The following LCLAT1 variants were observed in gnomAD, a reference collection of about 807,000 sequenced individuals.
LCLAT1 encodes 1-AGP acyltransferase 8.
In LCLAT1, 11 loss-of-function variants were observed where a neutral mutation model predicts 30.7. The observed-to-expected ratio is 0.36, with a 90% CI of 0.23 to 0.59. The LOEUF (loss-of-function observed/expected upper bound fraction) is 0.59. LCLAT1 is among the 20% of genes least tolerant of loss of function. The probability of loss-of-function intolerance (pLI) is 0.77; values close to 1 mark genes in which losing one functional copy is unlikely to be tolerated. For synonymous variants in LCLAT1, 155 were observed against 151.3 expected (o/e 1.02, Z -0.18); for missense variants, 402 against 458.6 (o/e 0.88, Z 1.13).
At chr2:30,569,286 A>G (rs972034693) in intron 5 of LCLAT1, among the ~76,000 whole-genome samples, 5 of 152,240 alleles carry the variant, frequency 3.3e-5, no homozygotes, top group Admixed American at 6.5e-5. Flanking sequence ...AATAAAAACC[A>G]ATTGTACTTT....
chr2:30,498,150 A>C (rs1045153518), intron 1 of LCLAT1, among the ~76,000 whole-genome samples: 4 of 152,340 alleles, frequency 2.6e-5, no homozygotes, highest in Admixed American at 2.6e-4. Context: ...AAACTCTGCA[A>C]CTGAGAGGGG....
At chr2:30,524,086 G>A (rs1400650024) in intron 1 of LCLAT1, among the ~76,000 whole-genome samples, 5 of 151,312 alleles carry the variant, frequency 3.3e-5, no homozygotes, top group African/African-American at 7.3e-5. Context: ...TTTTTTCATC[G>A]TTTTAATGTT....
intron 2 of LCLAT1, among the ~76,000 whole-genome samples, chr2:30,530,314 A>G (rs1396690872): frequency 2.6e-5 from 4 of 152,214 alleles, no homozygotes; most frequent in Non-Finnish European, 4.4e-5. Context: ...GGAGTTCTGT[A>G]TAGATATTAC....
At chr2:30,539,898 GC>G (rs1664046012) in intron 3 of LCLAT1, among the ~76,000 whole-genome samples, 1 of 152,124 alleles carries the variant, frequency 6.6e-6, no homozygotes, top group African/African-American at 2.4e-5. Context: ...TAAATAATTT[GC>G]CTTGTTCCAC....
At chr2:30,562,906 G>A (rs1403918807) in intron 4 of LCLAT1, among the ~76,000 whole-genome samples, 1 of 152,044 alleles carries the variant, frequency 6.6e-6, no homozygotes, top group Non-Finnish European at 1.5e-5. Flanking sequence ...TACGTTAATA[G>A]GTTACCTTTC....
chr2:30,574,216 A>C (rs1485939321), intron 5 of LCLAT1, among the ~76,000 whole-genome samples: 1 of 152,064 alleles, frequency 6.6e-6, no homozygotes. Context: ...AATAGGGGTA[A>C]ATTTTTTAAA....
chr2:30,637,206 A>T (rs893134037), intron 5 of LCLAT1, among the ~76,000 whole-genome samples: 3 of 152,192 alleles, frequency 2.0e-5, no homozygotes, highest in Non-Finnish European at 4.4e-5. Context: ...TGGCGGGCAG[A>T]AATGAATGGC....
At chr2:30,588,905 C>G (rs1034166855) in intron 5 of LCLAT1, among the ~76,000 whole-genome samples, 30 of 152,236 alleles carry the variant, frequency 2.0e-4, no homozygotes, top group African/African-American at 6.3e-4. Context: ...CTGCCACTTT[C>G]TGCCCTAGTT....
chr2:30,490,596 C>A (rs561967928), intron 1 of LCLAT1, among the ~76,000 whole-genome samples: 4 of 152,298 alleles, frequency 2.6e-5, no homozygotes, highest in African/African-American at 7.2e-5. Context: ...TACTTTACTT[C>A]TCTGGGTTTC....
intron 5 of LCLAT1, among the ~76,000 whole-genome samples, chr2:30,593,131 T>G (rs1001880030): frequency 6.6e-6 from 1 of 152,194 alleles, no homozygotes; most frequent in Non-Finnish European, 1.5e-5. Context: ...GATCCACTTT[T>G]TTAGCACCCA....
At chr2:30,508,828 A>G (rs1161393655) in intron 1 of LCLAT1, among the ~76,000 whole-genome samples, 1 of 152,166 alleles carries the variant, frequency 6.6e-6, no homozygotes, top group East Asian at 1.9e-4. Flanking sequence ...TTTAATAGGA[A>G]TAGCATTGAA....
chr2:30,593,560 G>A (rs553212143), intron 5 of LCLAT1, among the ~76,000 whole-genome samples: 1 of 152,178 alleles, frequency 6.6e-6, no homozygotes, highest in African/African-American at 2.4e-5. Flanking sequence ...ACAAATTTTA[G>A]TATTGTGTTT....
intron 1 of LCLAT1, among the ~76,000 whole-genome samples, chr2:30,490,952 T>C (rs1409668862): frequency 1.3e-5 from 2 of 152,230 alleles, no homozygotes; most frequent in Non-Finnish European, 2.9e-5. Flanking sequence ...TACAGTATCT[T>C]GTTAATTATT....
chr2:30,502,109 C>G (rs1684430415), intron 1 of LCLAT1, among the ~76,000 whole-genome samples: 1 of 152,194 alleles, frequency 6.6e-6, no homozygotes, highest in African/African-American at 2.4e-5. Flanking sequence ...AAACCAGTCT[C>G]ACTATGCAGG....
Position 30,640,684 on chromosome 2 carries a change from CTCAGATGCATTTTTGCATGACTATG to C in LCLAT1, c.*68_*92del. On this transcript the variant is annotated 3_prime_UTR_variant, in exon 6 of 6. Coordinates refer to ENST00000379509, the MANE Select transcript of LCLAT1 (RefSeq NM_001002257.3). ...TGGAAATGTTCTAAACCTTTCTAAGCTCAGATGCATTTTTGCATGACTATGTCGAATATTTCTTACTGCCATCATT... is the reference window on the plus strand; with the variant it reads ...TGGAAATGTTCTAAACCTTTCTAAGCTCGAATATTTCTTACTGCCATCATT... The C allele has an allele frequency of 4.7e-6, 7 of 1,502,188 alleles. No individual in the cohort carries two copies. Among genetic ancestry groups the C allele is most frequent in the Non-Finnish European group, 6.2e-6 (7 of 1,127,056 alleles). The allele number at this position is 1,502,188 out of a possible 1,614,324, so 93.1% of individuals were successfully genotyped here. A position where few individuals can be genotyped will look rare whatever the true frequency, so the allele number is the denominator to read the frequency against.
rs143717778 is a variant in LCLAT1 at position 30,517,765 on chromosome 2, AAGTC to A, written c.-4-7819_-4-7816del. Reference sequence around the variant, plus strand: ...ACAAAGGGAGTCAGAGAGAGACAGAAAGTCAGAGAGAGAAAGAAAGAGAAGTAGT... The same window carrying A: ...ACAAAGGGAGTCAGAGAGAGACAGAAAGAGAGAGAAAGAAAGAGAAGTAGT... On this transcript the variant is annotated intron_variant, in intron 1 of 5. Coordinates refer to ENST00000379509, the MANE Select transcript of LCLAT1 (RefSeq NM_001002257.3). Among the ~76,000 whole-genome samples the A allele has an allele frequency of 5.6e-3, 847 of 152,298 alleles. 10 individuals are homozygous for A. The highest frequency in any genetic ancestry group is 9.9e-3 in the Admixed American group (152 of 15,304).
intron 1 of LCLAT1, among the ~76,000 whole-genome samples, chr2:30,499,099 C>A (rs969908968): frequency 7.9e-5 from 12 of 152,124 alleles, no homozygotes. Flanking sequence ...GGATGATATT[C>A]TTTAACACCT....
chr2:30,479,828 A>G (rs1484415960), intron 1 of LCLAT1, among the ~76,000 whole-genome samples: 1 of 152,236 alleles, frequency 6.6e-6, no homozygotes, highest in Non-Finnish European at 1.5e-5. Flanking sequence ...GAAAAAAGTA[A>G]AAGAAACAAA....
intron 1 of LCLAT1, among the ~76,000 whole-genome samples, chr2:30,489,996 C>G (rs1033301724): frequency 5.9e-5 from 9 of 152,266 alleles, no homozygotes; most frequent in Admixed American, 4.6e-4. Context: ...ATACTCTGCA[C>G]CAGTTGCTGT....
Sources: gnomAD v4.1 joint callset for allele counts (sites outside exome capture counted in the v4.1 genomes callset) on GRCh38, gnomAD v4.1.1 for gene constraint, MANE v1.5 for transcripts, NCBI Gene and HGNC (gene_info 2026-07-23, HGNC 2026-07-21) for gene names.